Variants in BRWD1 observed in about 807,000 individuals in gnomAD.
BRWD1 encodes the protein bromodomain and WD repeat-containing protein 1.
A neutral mutation model predicts 251.2 loss-of-function variants in BRWD1; 82 were observed. The observed-to-expected ratio is 0.33, with a 90% CI of 0.27 to 0.39. BRWD1 has a LOEUF of 0.39. Ranked by LOEUF, BRWD1 falls within the 10% of genes least tolerant of loss-of-function variation. The pLI is 1.00. For missense variants in BRWD1, 2,233 were observed against 2,711.6 expected, an observed-to-expected ratio of 0.82 and a Z score of 3.92; for synonymous variants, 918 against 902.8, an observed-to-expected ratio of 1.02 and a Z score of -0.30.
intron 20 of BRWD1, among the ~76,000 whole-genome samples, chr21:39,249,971 T>G (rs987379614): frequency 6.7e-6 from 1 of 149,904 alleles, no homozygotes; most frequent in Non-Finnish European, 1.5e-5. Context: ...CACACACACA[T>G]AGATATATAT....
intron 4 of BRWD1, among the ~76,000 whole-genome samples, chr21:39,304,089 C>G (rs532400314): frequency 2.8e-4 from 39 of 139,778 alleles, no homozygotes; most frequent in African/African-American, 1.0e-3. Context: ...TGCAGTGAGC[C>G]GAGATTTCGC....
chr21:39,243,243 C>T (rs1005055193), intron 21 of BRWD1, among the ~76,000 whole-genome samples: 1 of 152,074 alleles, frequency 6.6e-6, no homozygotes, highest in African/African-American at 2.4e-5. Context: ...ATCAAAATTA[C>T]CAGTCATAAA....
chr21:39,319,893 C>G (rs1462702053), intron 1 of BRWD1, among the ~76,000 whole-genome samples: 1 of 151,986 alleles, frequency 6.6e-6, no homozygotes, highest in East Asian at 1.9e-4. Context: ...TTCTTTGCCA[C>G]TTCTGTATCT....
In BRWD1 at chr21:39,191,455, T is replaced by C. The variant is rs2031550678; in HGVS notation, c.*4804A>G. ...TAAGATGAAAATGCTAAATTTATTATATCCCATTTAAGAACTGACAAAAAT... is the reference window on the plus strand; with the variant it reads ...TAAGATGAAAATGCTAAATTTATTACATCCCATTTAAGAACTGACAAAAAT... On this transcript the variant is annotated 3_prime_UTR_variant, in exon 41 of 41. Coordinates refer to ENST00000342449, the MANE Select transcript of BRWD1 (RefSeq NM_033656.4). 4 of 982,560 alleles carry C rather than the reference T, an allele frequency of 4.1e-6. No homozygotes were observed. In the South Asian group the frequency reaches 1.9e-4, roughly 46 times the overall value. 60.9% of individuals were successfully genotyped at this position (982,560 alleles called of 1,614,324 possible).
intron 4 of BRWD1, among the ~76,000 whole-genome samples, chr21:39,300,982 T>C (rs1175977107): frequency 6.6e-6 from 1 of 152,024 alleles, no homozygotes; most frequent in Non-Finnish European, 1.5e-5. Context: ...ATCGAGACCA[T>C]CCTGGCTAAC....
rs2031388465 is a variant in BRWD1, at chr21:39,188,780, A to C, written c.*7479T>G. ...GAAATACTTTATTCAAAGCAACCCC[A>C]CCACATACACATCAGTTCCTTTTGC... is the stretch of plus-strand genomic sequence containing the variant. On this transcript the variant is annotated 3_prime_UTR_variant, in exon 41 of 41. Transcript: ENST00000342449. 1.6e-5 allele frequency: 16 copies of C among 985,366 alleles called. No homozygotes were observed. The South Asian group carries it at 6.6e-4, about 40-fold the overall frequency. 61.0% of individuals were successfully genotyped at this position (985,366 alleles called of 1,614,324 possible).
At chr21:39,259,939 A>C (rs2034686441) in intron 17 of BRWD1, among the ~76,000 whole-genome samples, 1 of 152,196 alleles carries the variant, frequency 6.6e-6, no homozygotes, top group African/African-American at 2.4e-5. Context: ...AGATAGAGAA[A>C]CTGTAAAACC....
In BRWD1 at chr21:39,310,985, G is replaced by T. The variant is rs551443353; in HGVS notation, c.198+1856C>A. On this transcript the variant is annotated intron_variant, in intron 4 of 40. Transcript: ENST00000342449. The stretch of plus-strand genomic sequence containing the variant: ...TCACTCAGTCCTGGGGGACTGGAGG[G>T]CAGAGAGGAAGGTAAAAAAAGAAAG... Among the ~76,000 whole-genome samples the T allele has an allele frequency of 8.5e-5, 13 of 152,112 alleles. No homozygotes were observed. In the South Asian group the frequency reaches 2.7e-3, roughly 32 times the overall value.
intron 4 of BRWD1, among the ~76,000 whole-genome samples, chr21:39,307,034 AG>A (rs1212720691): frequency 6.6e-6 from 1 of 152,078 alleles, no homozygotes; most frequent in African/African-American, 2.4e-5. Context: ...TTGTATTTTT[AG>A]TAGAGACGGG....
At chr21:39,206,312 GC>G (rs2032386326) in intron 36 of BRWD1, 38 bp from the exon 37 acceptor site, 1 of 1,394,978 alleles carries the variant, frequency 7.2e-7, no homozygotes, top group Non-Finnish European at 9.8e-7. Context: ...TTACAAAATA[GC>G]CTTAAAAGTA....
chr21:39,195,940 A>G lies in BRWD1; in HGVS notation c.*319T>C, dbSNP rs2031789643. ...TAACTGCATGACACTTGCTGCCATG[A>G]AAGTAATGCTCATTGGTTTTGATAA... On this transcript the variant is annotated 3_prime_UTR_variant, in exon 41 of 41. Coordinates refer to ENST00000342449, the MANE Select transcript of BRWD1 (RefSeq NM_033656.4). 4 of 1,032,386 alleles carry G rather than the reference A, an allele frequency of 3.9e-6. No individual in the cohort carries two copies. The South Asian group carries it at 1.7e-4, about 44-fold the overall frequency. 64.0% of individuals were successfully genotyped at this position (1,032,386 alleles called of 1,614,324 possible). A position where few individuals can be genotyped will look rare whatever the true frequency, so the allele number is the denominator to read the frequency against.
intron 15 of BRWD1, among the ~76,000 whole-genome samples, chr21:39,267,005 A>G (rs1034615156): frequency 1.3e-5 from 2 of 152,172 alleles, no homozygotes; most frequent in African/African-American, 4.8e-5. Flanking sequence ...TCAGGATGTA[A>G]TATTATTACT....
In BRWD1 at chr21:39,202,541, G is replaced by A; in HGVS notation, c.4369C>T (p.Leu1457Phe). 1.9e-6 allele frequency: 3 copies of A among 1,606,022 alleles called. No homozygotes were observed. The highest frequency in any genetic ancestry group is 2.6e-6 in the Non-Finnish European group (3 of 1,173,540). ...DSQPNKSIRN[L>F]KPKRLKSQTK... ...TGAGATTTTAACCTCTTCGGCTTGA[G>A]GTTTCTGGCCAAACATATGAACAAA... is the stretch of plus-strand genomic sequence containing the variant. The change falls in exon 38 of 41, where the codon CTC becomes TTC. Residue 1457 changes from leucine (L) to phenylalanine (F), a missense_variant. Coordinates refer to ENST00000342449, the MANE Select transcript of BRWD1 (RefSeq NM_033656.4).
chr21:39,313,874 CGCAATGAGGCG>C, upstream of BRWD1: 1 of 329,884 alleles, frequency 3.0e-6, no homozygotes, highest in South Asian at 2.4e-5. Context: ...AATCCCTGCG[CGCAATGAGGCG>C]GCTGCCCGGG....
At chr21:39,250,625 T>C (rs2034363750) in intron 20 of BRWD1, among the ~76,000 whole-genome samples, 171 bp downstream of exon 20, 1 of 151,404 alleles carries the variant, frequency 6.6e-6, no homozygotes, top group African/African-American at 2.5e-5. Context: ...AAACTACTCC[T>C]TTCTAACAGC....
chr21:39,236,691 T>G lies in BRWD1; in HGVS notation c.2670A>C (p.Arg890=). ...TTTCATCTTCTGAACTACTACAAAA[T>G]CGAGTAATTCGTCGACGACATGATG... ...LRTSCRRRIT[R]FCSSSEDEIS... is the part of the protein sequence containing the mutation. Residue 890 remains arginine (R), a synonymous_variant, in exon 23 of 41, where the codon CGA becomes CGC. Coordinates refer to ENST00000342449, the MANE Select transcript of BRWD1 (RefSeq NM_033656.4). The G allele has an allele frequency of 6.2e-7, 1 of 1,614,122 alleles. No homozygotes were observed. The highest frequency in any genetic ancestry group is 8.5e-7 in the Non-Finnish European group (1 of 1,179,984).
rs2031369946 is a variant in BRWD1, at chr21:39,188,470, G to A, written c.*7789C>T. 1.0e-6 allele frequency: 1 copy of A among 985,214 alleles called. No homozygotes were observed. Among genetic ancestry groups the A allele is most frequent in the African/African-American group, 1.7e-5 (1 of 57,214 alleles). The allele number at this position is 985,214 out of a possible 1,614,324, so 61.0% of individuals were successfully genotyped here. Reference sequence around the variant, plus strand: ...TAGAAAATGAGAGCTCTTTTAGTCAGATACTATCAAGTAACACTATTATTC... The same window carrying A: ...TAGAAAATGAGAGCTCTTTTAGTCAAATACTATCAAGTAACACTATTATTC... On this transcript the variant is annotated 3_prime_UTR_variant, in exon 41 of 41. Transcript: ENST00000342449.
At chr21:39,228,748 T>C (rs2033486090) in intron 26 of BRWD1, among the ~76,000 whole-genome samples, 166 bp from the exon 27 acceptor site, 1 of 152,120 alleles carries the variant, frequency 6.6e-6, no homozygotes, top group Non-Finnish European at 1.5e-5. Context: ...ATTTTAAATA[T>C]ATCCAAAATA....
At chr21:39,235,561 G>A (rs545284428) in intron 23 of BRWD1, 20 of 207,090 alleles carry the variant, frequency 9.7e-5, no homozygotes, top group Non-Finnish European at 1.9e-4. Flanking sequence ...AGTGTTTGGA[G>A]AAGATCTGTG....
Sources: gnomAD v4.1 joint callset for allele counts (sites outside exome capture counted in the v4.1 genomes callset) on GRCh38, gnomAD v4.1.1 for gene constraint, MANE v1.5 for transcripts, NCBI Gene and HGNC (gene_info 2026-07-23, HGNC 2026-07-21) for gene names.